DYM: variants seen among roughly 807,000 people sequenced by gnomAD.
The protein encoded by DYM is dyggve-Melchior-Clausen syndrome protein.
DYM carries 78 observed loss-of-function variants against 93.1 expected under a neutral mutation model. The observed-to-expected ratio is 0.84, with a 90% CI of 0.70 to 1.01. DYM has a LOEUF of 1.01. DYM is among the 50% of genes least tolerant of loss of function. The probability of loss-of-function intolerance (pLI) is 0.00; values close to 1 mark genes in which losing one functional copy is unlikely to be tolerated. For synonymous variants in DYM, 321 were observed against 319.7 expected (o/e 1.00, Z -0.04); for missense variants, 789 against 845.0 (o/e 0.93, Z 0.82).
intron 6 of DYM, among the ~76,000 whole-genome samples, chr18:49,355,423 A>G (rs1045946802): frequency 6.6e-6 from 1 of 152,134 alleles, no homozygotes; most frequent in African/African-American, 2.4e-5. Flanking sequence ...GATACAATTG[A>G]CAGATACAAT....
intron 6 of DYM, among the ~76,000 whole-genome samples, chr18:49,353,577 AAT>A (rs1301847045): frequency 6.6e-6 from 1 of 152,010 alleles, no homozygotes; most frequent in Non-Finnish European, 1.5e-5. Flanking sequence ...ATTTAAATAT[AAT>A]AGAATATAGC....
chr18:49,296,692 C>T (rs563369391), intron 8 of DYM, among the ~76,000 whole-genome samples: 6 of 152,260 alleles, frequency 3.9e-5, no homozygotes, highest in East Asian at 1.9e-4. Flanking sequence ...ACCAAGAATG[C>T]CATTCTATTT....
At chr18:49,276,490 A>G (rs76456252) in intron 10 of DYM, among the ~76,000 whole-genome samples, 12,193 of 152,170 alleles carry the variant, frequency 0.08, 773 homozygotes, top group East Asian at 0.31. Flanking sequence ...CTAAACTGAG[A>G]TCTGAAAAAC....
chr18:49,313,985 C>T (rs890353980), intron 8 of DYM, among the ~76,000 whole-genome samples: 44 of 152,004 alleles, frequency 2.9e-4, no homozygotes, highest in African/African-American at 4.6e-4. Flanking sequence ...TGGCCAGGCG[C>T]GGTGGCTCAC....
At chr18:49,327,062 GGAGA>G (rs1267374467) in intron 8 of DYM, among the ~76,000 whole-genome samples, 3 of 112,724 alleles carry the variant, frequency 2.7e-5, no homozygotes, top group African/African-American at 1.0e-4. Flanking sequence ...AGAGAAAGGG[GGAGA>G]GAGAGAGAAG....
intron 13 of DYM, among the ~76,000 whole-genome samples, chr18:49,225,459 T>C (rs553241040): frequency 4.6e-5 from 7 of 152,116 alleles, no homozygotes; most frequent in African/African-American, 1.7e-4. Flanking sequence ...GGAAAATATA[T>C]TGAAGGGAAC....
intron 8 of DYM, among the ~76,000 whole-genome samples, chr18:49,321,545 A>C (rs1336871689): frequency 6.6e-6 from 1 of 152,204 alleles, no homozygotes; most frequent in African/African-American, 2.4e-5. Context: ...ACACCTTTTA[A>C]GAAGTCTAAA....
In DYM at chr18:49,169,576, C is replaced by T. The variant is rs146807513; in HGVS notation, c.1626-5789G>A. Among the ~76,000 whole-genome samples the T allele has an allele frequency of 2.6e-5, 4 of 152,264 alleles. No individual in the cohort carries two copies. The East Asian group carries it at 7.7e-4, about 29-fold the overall frequency. On this transcript the variant is annotated intron_variant, in intron 14 of 17. Transcript: ENST00000675505. ...TGAGAAAGTGATCAACGCAAAACTGCTGTGTTTGGTATTGAGGTGTGAGGT... is the reference window on the plus strand; with the variant it reads ...TGAGAAAGTGATCAACGCAAAACTGTTGTGTTTGGTATTGAGGTGTGAGGT...
At chr18:49,159,926 T>C (rs1415536605) in intron 15 of DYM, among the ~76,000 whole-genome samples, 1 of 152,210 alleles carries the variant, frequency 6.6e-6, no homozygotes, top group Non-Finnish European at 1.5e-5. Context: ...AAAGCATTCA[T>C]AACTGATTTA....
intron 14 of DYM, among the ~76,000 whole-genome samples, chr18:49,200,973 A>G (rs1042030945): frequency 2.0e-5 from 3 of 152,182 alleles, no homozygotes; most frequent in East Asian, 3.8e-4. Flanking sequence ...TTTGTATTGC[A>G]TTGTATGGCT....
At chr18:49,061,589 C>G (rs1198245180) in intron 17 of DYM, among the ~76,000 whole-genome samples, 1 of 152,164 alleles carries the variant, frequency 6.6e-6, no homozygotes, top group Non-Finnish European at 1.5e-5. Context: ...TGTGGTCCCT[C>G]TGGATGGGAG....
At chr18:49,143,996 T>C (rs769915182) in intron 15 of DYM, among the ~76,000 whole-genome samples, 1 of 152,098 alleles carries the variant, frequency 6.6e-6, no homozygotes, top group Non-Finnish European at 1.5e-5. Flanking sequence ...TTTTCACACA[T>C]AAAAAATTAA....
At chr18:49,225,284 C>G (rs1389891405) in intron 13 of DYM, among the ~76,000 whole-genome samples, 1 of 152,100 alleles carries the variant, frequency 6.6e-6, no homozygotes, top group Non-Finnish European at 1.5e-5. Flanking sequence ...AAAGGAAAAT[C>G]TGGAATGAAT....
intron 14 of DYM, among the ~76,000 whole-genome samples, chr18:49,195,817 T>C (rs970219625): frequency 7.2e-5 from 11 of 152,120 alleles, no homozygotes; most frequent in African/African-American, 2.7e-4. Flanking sequence ...GGAGCCTTCG[T>C]TTAGTCAGGT....
chr18:49,234,130 A>AAAC (rs371998809), intron 13 of DYM, among the ~76,000 whole-genome samples: 82 of 151,672 alleles, frequency 5.4e-4, no homozygotes, highest in Non-Finnish European at 5.7e-4. Context: ...CTCCACCTCA[A>AAAC]AACAACAACA....
chr18:49,308,316 C>T lies in DYM; in HGVS notation c.764-21700G>A, dbSNP rs1455505294. On this transcript the variant is annotated intron_variant, in intron 8 of 17. Coordinates refer to ENST00000675505, the MANE Select transcript of DYM (RefSeq NM_001353214.3). ...TATATATATATATATATATGTATAT[C>T]TTACACATTCAAGTCCTGCTGACTT... 2.0e-5 allele frequency among the ~76,000 whole-genome samples: 3 copies of T among 150,588 alleles called. No individual in the cohort carries two copies. The South Asian group carries it at 6.3e-4, about 31-fold the overall frequency.
intron 8 of DYM, among the ~76,000 whole-genome samples, chr18:49,311,208 G>C (rs141793746): frequency 3.3e-5 from 5 of 152,186 alleles, no homozygotes; most frequent in African/African-American, 1.2e-4. Context: ...GAAGGATCAT[G>C]TAAGTGGAAC....
intron 8 of DYM, among the ~76,000 whole-genome samples, chr18:49,326,427 C>T (rs143252045): frequency 0.014 from 2,075 of 151,708 alleles, 45 homozygotes; most frequent in African/African-American, 0.047. Context: ...TCATTCTAAC[C>T]ACTTCCAGTG....
chr18:49,173,731 T>C (rs2089041655), intron 14 of DYM, among the ~76,000 whole-genome samples: 1 of 152,158 alleles, frequency 6.6e-6, no homozygotes, highest in Non-Finnish European at 1.5e-5. Context: ...AGGTTTCTTG[T>C]AGATTCATTA....
Sources: allele counts gnomAD v4.1 joint callset (sites outside exome capture counted in the v4.1 genomes callset), GRCh38; gene constraint gnomAD v4.1.1; transcripts MANE v1.5; gene names NCBI Gene and HGNC (gene_info 2026-07-23, HGNC 2026-07-21).